PXDNL: variants seen among roughly 807,000 people sequenced by gnomAD.
PXDNL encodes probable oxidoreductase PXDNL.
A neutral mutation model predicts 150.8 loss-of-function variants in PXDNL; 145 were observed. The observed-to-expected ratio is 0.96, with a 90% confidence interval of 0.84 to 1.10. The LOEUF (loss-of-function observed/expected upper bound fraction) is 1.10, where lower values mean the gene tolerates loss of function less well. Among genes scored for constraint, PXDNL ranks in the 50% least tolerant of loss-of-function variants. The pLI is 0.00. For synonymous variants in PXDNL, 757 were observed against 725.7 expected (o/e 1.04, Z -0.69); for missense variants, 2,087 against 1,873.9 (o/e 1.11, Z -2.10).
At chr8:51,592,398 T>C (rs1293060463) in intron 3 of PXDNL, among the ~76,000 whole-genome samples, 1 of 152,206 alleles carries the variant, frequency 6.6e-6, no homozygotes, top group Non-Finnish European at 1.5e-5. Context: ...AATTTAGAAC[T>C]TGTGGCAGGA....
chr8:51,394,541 G>C (rs934090381), intron 17 of PXDNL, among the ~76,000 whole-genome samples: 2 of 152,176 alleles, frequency 1.3e-5, no homozygotes, highest in African/African-American at 4.8e-5. Flanking sequence ...TATTCTTAAA[G>C]GGTGGCTAGT....
At chr8:51,394,750 CT>C (rs1482715869) in intron 17 of PXDNL, among the ~76,000 whole-genome samples, 3 of 152,144 alleles carry the variant, frequency 2.0e-5, no homozygotes, top group African/African-American at 7.2e-5. Context: ...TTCACTCTAA[CT>C]AGCATTCATA....
At chr8:51,596,478 G>A (rs1813565843) in intron 2 of PXDNL, among the ~76,000 whole-genome samples, 1 of 152,150 alleles carries the variant, frequency 6.6e-6, no homozygotes. Flanking sequence ...TCTCCAACCT[G>A]CTTTCCACAG....
rs541506728 is a variant in PXDNL, at chr8:51,620,317, C to A, written c.237-27619G>T. 2.0e-4 allele frequency among the ~76,000 whole-genome samples: 30 copies of A among 151,770 alleles called. No individual in the cohort carries two copies. In the South Asian group the frequency reaches 6.0e-3, roughly 30 times the overall value. ...CGAATGCCTCTAATCCTGAAGAGGT[C>A]AAAAAAAATCTCAATATGTGAGATG... is the stretch of plus-strand genomic sequence containing the variant. On this transcript the variant is annotated intron_variant, in intron 2 of 22. Coordinates refer to ENST00000356297, the MANE Select transcript of PXDNL (RefSeq NM_144651.5).
intron 1 of PXDNL, among the ~76,000 whole-genome samples, chr8:51,763,316 G>C (rs2037186330): frequency 7.6e-6 from 1 of 131,080 alleles, no homozygotes; most frequent in South Asian, 2.4e-4. Flanking sequence ...AGAACTTAAA[G>C]TATTAAAAAA....
intron 1 of PXDNL, among the ~76,000 whole-genome samples, chr8:51,743,906 A>AAG (rs2036933578): frequency 2.4e-5 from 3 of 125,842 alleles, no homozygotes; most frequent in African/African-American, 9.7e-5. Context: ...CTGCTGAGAG[A>AAG]GAAAGGAAGG....
At chr8:51,424,122 G>T (rs1809027607) in intron 13 of PXDNL, among the ~76,000 whole-genome samples, 1 of 152,094 alleles carries the variant, frequency 6.6e-6, no homozygotes, top group Admixed American at 6.5e-5. Context: ...CAGCACTTTG[G>T]AAGGCTGAGG....
chr8:51,533,618 C>A (rs1422122276), intron 4 of PXDNL, among the ~76,000 whole-genome samples: 1 of 141,294 alleles, frequency 7.1e-6, no homozygotes, highest in Non-Finnish European at 1.6e-5. Context: ...CTCAGCCTGC[C>A]GAGTGCCTGC....
chr8:51,617,411 C>T (rs1814152760), intron 2 of PXDNL, among the ~76,000 whole-genome samples: 1 of 152,204 alleles, frequency 6.6e-6, no homozygotes, highest in Non-Finnish European at 1.5e-5. Flanking sequence ...ATTAGAATTG[C>T]ATTCTTCAAG....
intron 4 of PXDNL, among the ~76,000 whole-genome samples, chr8:51,533,402 C>T (rs575631487): frequency 1.2e-3 from 176 of 152,028 alleles, no homozygotes; most frequent in Admixed American, 3.7e-3. Flanking sequence ...CCACCTGCTT[C>T]GGCCTCCCAA....
At chr8:51,637,257 A>T (rs1009995870) in intron 2 of PXDNL, among the ~76,000 whole-genome samples, 1 of 152,224 alleles carries the variant, frequency 6.6e-6, no homozygotes, top group African/African-American at 2.4e-5. Context: ...GGAAAAAAAC[A>T]GAGCAGAAAA....
chr8:51,450,726 G>T (rs1279191555), intron 10 of PXDNL, among the ~76,000 whole-genome samples: 1 of 152,124 alleles, frequency 6.6e-6, no homozygotes, highest in Non-Finnish European at 1.5e-5. Flanking sequence ...CAAGCTATTT[G>T]TAATAGAGTT....
In PXDNL at chr8:51,480,780, G is replaced by A. The variant is rs536785162; in HGVS notation, c.524+2863C>T. 2.7e-4 allele frequency among the ~76,000 whole-genome samples: 41 copies of A among 152,284 alleles called. No homozygotes were observed. In the South Asian group the frequency reaches 7.7e-3, roughly 28 times the overall value. ...GTTTTATAAATGGGAGTTCCCCTGCGCAGGCTCTCTTGCCTGCTGCCATGT... is the reference window on the plus strand; with the variant it reads ...GTTTTATAAATGGGAGTTCCCCTGCACAGGCTCTCTTGCCTGCTGCCATGT... On this transcript the variant is annotated intron_variant, in intron 6 of 22. Coordinates refer to ENST00000356297, the MANE Select transcript of PXDNL (RefSeq NM_144651.5).
rs551125272 is a variant in PXDNL, at chr8:51,641,024, A to G, written c.236+13665T>C. Among the ~76,000 whole-genome samples, 52 of 152,186 alleles carry G rather than the reference A, an allele frequency of 3.4e-4. 1 individual carries two copies. Among genetic ancestry groups the G allele is most frequent in the Non-Finnish European group, 6.8e-4 (46 of 68,042 alleles). On this transcript the variant is annotated intron_variant, in intron 2 of 22. Coordinates refer to ENST00000356297, the MANE Select transcript of PXDNL (RefSeq NM_144651.5). Reference sequence around the variant, plus strand: ...AAACAGAGATATAGATCAATGGAACAGCACAGAGCCCTCAGAAATAACGCC... The same window carrying G: ...AAACAGAGATATAGATCAATGGAACGGCACAGAGCCCTCAGAAATAACGCC...
chr8:51,690,730 C>T (rs1815976266), intron 1 of PXDNL, among the ~76,000 whole-genome samples: 1 of 151,354 alleles, frequency 6.6e-6, no homozygotes, highest in African/African-American at 2.4e-5. Context: ...TTCTAGATCC[C>T]TGAGGAATCG....
At chr8:51,579,596 T>C (rs1813161101) in intron 3 of PXDNL, among the ~76,000 whole-genome samples, 2 of 152,024 alleles carry the variant, frequency 1.3e-5, no homozygotes, top group South Asian at 4.1e-4. Flanking sequence ...AGGATGTTTA[T>C]TCTAAAGAAT....
chr8:51,435,884 A>C (rs1041025111), intron 12 of PXDNL: 1 of 468,600 alleles, frequency 2.1e-6, no homozygotes, highest in Non-Finnish European at 4.3e-6. Context: ...CAGATACTAA[A>C]ATGGATCGTA....
chr8:51,447,480 G>T (rs1809702435), intron 11 of PXDNL, among the ~76,000 whole-genome samples: 1 of 152,114 alleles, frequency 6.6e-6, no homozygotes, highest in African/African-American at 2.4e-5. Flanking sequence ...AAACCAATCT[G>T]ATTCTTAAAT....
rs372638501 is a variant in PXDNL at position 51,552,459 on chromosome 8, G to A, written c.380+4381C>T. On this transcript the variant is annotated intron_variant, in intron 4 of 22. Coordinates refer to ENST00000356297, the MANE Select transcript of PXDNL (RefSeq NM_144651.5). ...GCCCATCAACCAACAAGTGGAAAAC[G>A]AAAATGTGGTATATATATATACCAT... Among the ~76,000 whole-genome samples the A allele has an allele frequency of 4.6e-5, 7 of 152,134 alleles. No homozygotes were observed. The East Asian group carries it at 5.8e-4, about 13-fold the overall frequency.
Sources: allele counts gnomAD v4.1 joint callset (sites outside exome capture counted in the v4.1 genomes callset), GRCh38; gene constraint gnomAD v4.1.1; transcripts MANE v1.5; gene names NCBI Gene and HGNC (gene_info 2026-07-23, HGNC 2026-07-21).